EXTL3: variants seen among roughly 807,000 people sequenced by gnomAD.
EXTL3 encodes exostosin-like 3.
A neutral mutation model predicts 69.3 loss-of-function variants in EXTL3; 27 were observed. The observed-to-expected ratio is 0.39, with a 90% CI of 0.29 to 0.54. EXTL3 has a LOEUF of 0.54. Among genes scored for constraint, EXTL3 ranks in the 20% least tolerant of loss-of-function variants. The probability of loss-of-function intolerance (pLI) is 0.69; values close to 1 mark genes in which losing one functional copy is unlikely to be tolerated. For missense variants in EXTL3, 1,003 were observed against 1,231.8 expected (o/e 0.81, Z 2.78); for synonymous variants, 511 against 499.4 (o/e 1.02, Z -0.31).
At chr8:28,673,348 T>C (rs1000830429) in intron 1 of EXTL3, among the ~76,000 whole-genome samples, 1 of 152,190 alleles carries the variant, frequency 6.6e-6, no homozygotes, top group Admixed American at 6.5e-5. Flanking sequence ...AAGATTGACA[T>C]TGGATTCTGT....
chr8:28,656,209 A>C (rs953223279), intron 1 of EXTL3, among the ~76,000 whole-genome samples: 11 of 151,692 alleles, frequency 7.3e-5, no homozygotes, highest in Non-Finnish European at 1.5e-4. Context: ...CTCTCCCGTC[A>C]TCCAGTCTGG....
intron 1 of EXTL3, among the ~76,000 whole-genome samples, chr8:28,679,842 A>G (rs1807453395): frequency 6.6e-6 from 1 of 152,210 alleles, no homozygotes; most frequent in African/African-American, 2.4e-5. Context: ...GAATTAGGAT[A>G]CTTGTCTCAC....
chr8:28,739,545 G>A (rs1237488253), intron 5 of EXTL3, among the ~76,000 whole-genome samples: 2 of 152,018 alleles, frequency 1.3e-5, no homozygotes, highest in African/African-American at 4.8e-5. Context: ...TGCTTAGGCT[G>A]GTCTCGAACT....
At chr8:28,689,744 C>G (rs1393979042) in intron 1 of EXTL3, among the ~76,000 whole-genome samples, 1 of 152,224 alleles carries the variant, frequency 6.6e-6, no homozygotes. Flanking sequence ...GTTAGGGATT[C>G]TGTCAATAGA....
intron 1 of EXTL3, among the ~76,000 whole-genome samples, chr8:28,707,335 A>G (rs1393692421): frequency 6.6e-6 from 1 of 152,218 alleles, no homozygotes; most frequent in East Asian, 1.9e-4. Flanking sequence ...GTGATACACC[A>G]CTGCTTCATC....
At chr8:28,745,402 A>G (rs985469244) in intron 6 of EXTL3, among the ~76,000 whole-genome samples, 16 of 152,238 alleles carry the variant, frequency 1.1e-4, no homozygotes, top group Non-Finnish European at 1.9e-4. Flanking sequence ...ATAATGTATC[A>G]ATTTTTTTAA....
chr8:28,693,295 G>A (rs1267988184), intron 1 of EXTL3, among the ~76,000 whole-genome samples: 3 of 151,824 alleles, frequency 2.0e-5, no homozygotes, highest in Non-Finnish European at 2.9e-5. Context: ...GATTACAGGC[G>A]CCCGCCACCA....
intron 1 of EXTL3, among the ~76,000 whole-genome samples, chr8:28,625,733 G>A (rs1032868715): frequency 6.6e-6 from 1 of 152,084 alleles, no homozygotes; most frequent in African/African-American, 2.4e-5. Context: ...TTGGTATGAT[G>A]ATAGATGTCT....
Position 28,677,440 on chromosome 8 carries a change from C to G in EXTL3, c.-52-36017C>G, listed in dbSNP as rs139577869. ...TACAGAGACCTAAAGGGATGACTCG[C>G]TACAGATGACTGAACAGTAATGAAT... is the stretch of plus-strand genomic sequence containing the variant. On this transcript the variant is annotated intron_variant, in intron 1 of 6. Transcript: ENST00000523149. Among the ~76,000 whole-genome samples, 33 of 152,272 alleles carry G rather than the reference C, an allele frequency of 2.2e-4. No homozygotes were observed. In the East Asian group the frequency reaches 4.8e-3, roughly 22 times the overall value.
At chr8:28,743,949 A>T (rs1801831625) in intron 6 of EXTL3, 1 of 152,676 alleles carries the variant, frequency 6.5e-6, no homozygotes, top group African/African-American at 2.4e-5. Flanking sequence ...ATACCCTCAG[A>T]ATTCTAGAAG....
chr8:28,709,374 A>C (rs570845127), intron 1 of EXTL3, among the ~76,000 whole-genome samples: 1 of 152,124 alleles, frequency 6.6e-6, no homozygotes, highest in Non-Finnish European at 1.5e-5. Flanking sequence ...TGAAGGTTTC[A>C]TTGGGAACAT....
chr8:28,683,567 C>G (rs1354553994), intron 1 of EXTL3, among the ~76,000 whole-genome samples: 1 of 152,146 alleles, frequency 6.6e-6, no homozygotes, highest in Non-Finnish European at 1.5e-5. Flanking sequence ...GTAATCCCAG[C>G]ACTTTGGGAG....
chr8:28,625,301 CAG>C (rs957007876), intron 1 of EXTL3, among the ~76,000 whole-genome samples: 4 of 152,166 alleles, frequency 2.6e-5, no homozygotes, highest in East Asian at 1.9e-4. Flanking sequence ...ACTGATGAAA[CAG>C]AAACATCTCT....
At chr8:28,742,896 G>A in intron 5 of EXTL3, 190 bp from the exon 6 acceptor site, 1 of 664,754 alleles carries the variant, frequency 1.5e-6, no homozygotes, top group Non-Finnish European at 2.8e-6. Context: ...GTTTGAATGG[G>A]ATAATTCCTC....
chr8:28,647,415 CTG>C (rs1235582734), intron 1 of EXTL3, among the ~76,000 whole-genome samples: 2 of 152,166 alleles, frequency 1.3e-5, no homozygotes, highest in Non-Finnish European at 2.9e-5. Context: ...GTGACAGCCA[CTG>C]TGTGGAATGA....
At chr8:28,637,867 A>C (rs1387569991) in intron 1 of EXTL3, among the ~76,000 whole-genome samples, 9 of 152,126 alleles carry the variant, frequency 5.9e-5, no homozygotes, top group African/African-American at 1.9e-4. Flanking sequence ...TCGGCTCCCC[A>C]GCTGCCTTCA....
intron 4 of EXTL3, among the ~76,000 whole-genome samples, chr8:28,733,108 C>A (rs1310952503): frequency 6.6e-6 from 1 of 152,166 alleles, no homozygotes; most frequent in Non-Finnish European, 1.5e-5. Flanking sequence ...ATGAATAATG[C>A]TGTGAACCTT....
rs137981453 is a variant in EXTL3 at position 28,644,576 on chromosome 8, A to G, written c.-53+21766A>G. Reference sequence around the variant, plus strand: ...TAGCCAGGCACAGTGGTTCACGCCTATAATCTCAGCACTTTGGAAGCTCGA... The same window carrying G: ...TAGCCAGGCACAGTGGTTCACGCCTGTAATCTCAGCACTTTGGAAGCTCGA... On this transcript the variant is annotated intron_variant, in intron 1 of 6. Coordinates refer to the EXTL3 transcript ENST00000523149. 1.8e-3 allele frequency among the ~76,000 whole-genome samples: 274 copies of G among 152,234 alleles called. 1 individual carries two copies. Among genetic ancestry groups the G allele is most frequent in the African/African-American group, 6.3e-3 (260 of 41,556 alleles).
chr8:28,641,443 G>T (rs1806740539), intron 1 of EXTL3, among the ~76,000 whole-genome samples: 1 of 152,092 alleles, frequency 6.6e-6, no homozygotes, highest in South Asian at 2.1e-4. Context: ...TTTAGAATTG[G>T]GTATGGATTA....
Sources: allele counts gnomAD v4.1 joint callset (sites outside exome capture counted in the v4.1 genomes callset), GRCh38; gene constraint gnomAD v4.1.1; transcripts MANE v1.5; gene names NCBI Gene and HGNC (gene_info 2026-07-23, HGNC 2026-07-21).